Variants in PKHD1 observed in about 807,000 individuals in gnomAD.
The protein encoded by PKHD1 is PKHD1 ciliary IPT domain containing fibrocystin/polyductin, also known as fibrocystin.
A neutral mutation model predicts 412.0 loss-of-function variants in PKHD1; 291 were observed. The observed-to-expected ratio is 0.71, with a 90% CI of 0.64 to 0.78. The LOEUF (loss-of-function observed/expected upper bound fraction) is 0.78, where lower values mean the gene tolerates loss of function less well. PKHD1 is among the 30% of genes least tolerant of loss of function. The pLI, the probability that PKHD1 is intolerant of heterozygous loss-of-function variation, is 0.00. For synonymous variants in PKHD1, 1,777 were observed against 1,821.5 expected, an observed-to-expected ratio of 0.98 and a Z score of 0.62; for missense variants, 4,825 against 4,950.7, an observed-to-expected ratio of 0.97 and a Z score of 0.76.
intron 43 of PKHD1, among the ~76,000 whole-genome samples, chr6:51,902,265 G>C (rs943581439): frequency 1.3e-5 from 2 of 152,132 alleles, no homozygotes; most frequent in Non-Finnish European, 2.9e-5. Context: ...GCAGCTTCTT[G>C]TAAGTCTGAA....
In PKHD1 at chr6:51,617,324, T is replaced by C. The variant is rs1766153316; in HGVS notation, c.*1757A>G. On this transcript the variant is annotated 3_prime_UTR_variant, in exon 67 of 67. Transcript: ENST00000371117. Reference sequence around the variant, plus strand: ...CTACAAAAAAAGATAAATAACTGGTTATAACAGGGACTAATTAAACTAGGG... The same window carrying C: ...CTACAAAAAAAGATAAATAACTGGTCATAACAGGGACTAATTAAACTAGGG... 1 of 152,172 alleles carries C rather than the reference T, an allele frequency of 6.6e-6. No individual in the cohort carries two copies. Among genetic ancestry groups the C allele is most frequent in the Non-Finnish European group, 1.5e-5 (1 of 68,020 alleles). The allele number at this position is 152,172 out of a possible 1,614,324, so 9.4% of individuals were successfully genotyped here.
At chr6:51,739,176 A>G (rs1784247308) in intron 60 of PKHD1, among the ~76,000 whole-genome samples, 1 of 149,162 alleles carries the variant, frequency 6.7e-6, no homozygotes, top group Admixed American at 6.7e-5. Context: ...CATGTTATAT[A>G]CATACACATA....
intron 35 of PKHD1, among the ~76,000 whole-genome samples, chr6:51,963,060 T>C (rs951792564): frequency 6.6e-6 from 1 of 151,968 alleles, no homozygotes; most frequent in Non-Finnish European, 1.5e-5. Context: ...TTTACAGATA[T>C]CACACACAAA....
chr6:51,640,878 T>C lies in PKHD1; in HGVS notation c.11399-1922A>G, dbSNP rs369365731. On this transcript the variant is annotated intron_variant, in intron 63 of 66. Coordinates refer to ENST00000371117, the MANE Select transcript of PKHD1 (RefSeq NM_138694.4). ...GAGTATATAAATTCACTTTTTATGA[T>C]AATAGGTTGTAACTGCCTTTTCACT... Among the ~76,000 whole-genome samples, 19 of 152,302 alleles carry C rather than the reference T, an allele frequency of 1.2e-4. No individual in the cohort carries two copies. In the East Asian group the frequency reaches 2.5e-3, roughly 20 times the overall value.
intron 29 of PKHD1, among the ~76,000 whole-genome samples, chr6:52,032,434 G>T (rs1803203209): frequency 6.6e-6 from 1 of 152,144 alleles, no homozygotes; most frequent in South Asian, 2.1e-4. Flanking sequence ...TGGTGCTAAT[G>T]AATCCATTAT....
chr6:51,651,489 A>G (rs1217812954), intron 61 of PKHD1, among the ~76,000 whole-genome samples: 6 of 152,294 alleles, frequency 3.9e-5, no homozygotes, highest in South Asian at 2.1e-4. Context: ...TTTTTATAAT[A>G]CATCAACTTG....
chr6:51,855,174 G>A (rs1773058003), intron 49 of PKHD1, among the ~76,000 whole-genome samples: 1 of 152,160 alleles, frequency 6.6e-6, no homozygotes, highest in Non-Finnish European at 1.5e-5. Context: ...CCTTTTCCCC[G>A]TGTGGCTCTC....
chr6:52,055,185 T>C (rs777141514), intron 19 of PKHD1, among the ~76,000 whole-genome samples: 7 of 152,214 alleles, frequency 4.6e-5, no homozygotes, highest in Non-Finnish European at 1.0e-4. Flanking sequence ...TCCTGAGAGA[T>C]AGACCACATT....
rs747245050 is a variant in PKHD1 at position 52,026,000 on chromosome 6, C to T, written c.3810G>A (p.Glu1270=). The change falls in exon 32 of 67, where the codon GAG becomes GAA. Residue 1270 remains glutamate, a synonymous_variant. Coordinates refer to ENST00000371117, the MANE Select transcript of PKHD1 (RefSeq NM_138694.4). ...CGAAGAACCTGTTGCCAGCCCAGAC[C>T]TCCACGGCAGCTGGAACAGTGGGAG... ...AGAPTVPAAV[E]VWAGNRFFAR... 7 of 1,614,166 alleles carry T rather than the reference C, an allele frequency of 4.3e-6. No homozygotes were observed. Among genetic ancestry groups the T allele is most frequent in the Non-Finnish European group, 5.9e-6 (7 of 1,180,032 alleles).
intron 60 of PKHD1, among the ~76,000 whole-genome samples, chr6:51,676,744 C>G (rs1251534987): frequency 6.6e-6 from 1 of 152,064 alleles, no homozygotes; most frequent in Non-Finnish European, 1.5e-5. Context: ...AAGCTGTGCT[C>G]CTCAATACAC....
chr6:52,033,895 G>A (rs567718593), intron 28 of PKHD1, among the ~76,000 whole-genome samples: 5 of 152,104 alleles, frequency 3.3e-5, no homozygotes, highest in Admixed American at 1.3e-4. Flanking sequence ...TTGGGAGGCC[G>A]AGGCGGGTGG....
chr6:51,946,391 A>G (rs1472105471), intron 36 of PKHD1, among the ~76,000 whole-genome samples: 1 of 152,252 alleles, frequency 6.6e-6, no homozygotes, highest in East Asian at 1.9e-4. Context: ...ATAATTAGAT[A>G]AACAAATGAA....
chr6:51,977,393 T>A (rs1245508524), intron 35 of PKHD1, among the ~76,000 whole-genome samples: 1 of 152,214 alleles, frequency 6.6e-6, no homozygotes, highest in Non-Finnish European at 1.5e-5. Flanking sequence ...TCAGATACAC[T>A]CTGCTATTTC....
chr6:51,659,017 C>G lies in PKHD1; in HGVS notation c.11109G>C (p.Glu3703Asp). ...VITAQQTGVL[E>D]NVLNMTIGAL... ...CCCCGATAGTCATATTCAGAACATTCTCTAGTACCCCAGTCTGTTGAGCAG... is the reference window on the plus strand; with the variant it reads ...CCCCGATAGTCATATTCAGAACATTGTCTAGTACCCCAGTCTGTTGAGCAG... The change falls in exon 61 of 67, where the codon GAG becomes GAC. Residue 3703 changes from glutamate to aspartate, a missense_variant. Transcript: ENST00000371117. 1 of 1,613,232 alleles carries G rather than the reference C, an allele frequency of 6.2e-7. No individual in the cohort carries two copies. Among genetic ancestry groups the G allele is most frequent in the Non-Finnish European group, 8.5e-7 (1 of 1,179,324 alleles).
chr6:51,838,044 G>A (rs1027178748), intron 50 of PKHD1, among the ~76,000 whole-genome samples: 5 of 152,142 alleles, frequency 3.3e-5, no homozygotes, highest in African/African-American at 1.2e-4. Context: ...ACCAGTCAAG[G>A]TGTCATTTCC....
chr6:51,953,294 G>GA (rs1041571624), intron 36 of PKHD1, among the ~76,000 whole-genome samples: 16 of 151,746 alleles, frequency 1.1e-4, no homozygotes, highest in Admixed American at 5.3e-4. Context: ...TACAGTTAGA[G>GA]AAAAAAAACA....
At position 52,082,432 on chromosome 6, in the gene PKHD1, G is replaced by A. The variant is rs868748445; in HGVS notation, c.241C>T (p.Pro81Ser). 1 of 1,614,078 alleles carries A rather than the reference G, an allele frequency of 6.2e-7. No individual in the cohort carries two copies. Among genetic ancestry groups the A allele is most frequent in the Non-Finnish European group, 8.5e-7 (1 of 1,179,962 alleles). ...ALRSVPCDVF[P>S]VFLDLPVVTC... is the part of the protein sequence containing the mutation. ...ACCACAGGCAAATCCAAGAAAACAG[G>A]AAAGACGTCACAGGGAACACTCCGC... Residue 81 changes from proline to serine, a missense_variant, in exon 4 of 67, where the codon CCT becomes TCT. Pro to Ser is a moderately conservative substitution (Grantham distance 74). Coordinates refer to ENST00000371117, the MANE Select transcript of PKHD1 (RefSeq NM_138694.4).
At chr6:52,030,284 G>A (rs1340914778) in intron 29 of PKHD1, among the ~76,000 whole-genome samples, 7 of 152,270 alleles carry the variant, frequency 4.6e-5, no homozygotes, top group South Asian at 2.1e-4. Context: ...ATTTACTTAC[G>A]GCTCTCAAAG....
At chr6:51,636,657 T>G (rs1179713023) in intron 64 of PKHD1, among the ~76,000 whole-genome samples, 1 of 152,138 alleles carries the variant, frequency 6.6e-6, no homozygotes, top group South Asian at 2.1e-4. Context: ...TTGAAGCCTA[T>G]TAGAAATAAG....
Sources: allele counts gnomAD v4.1 joint callset (sites outside exome capture counted in the v4.1 genomes callset), GRCh38; gene constraint gnomAD v4.1.1; transcripts MANE v1.5; gene names NCBI Gene and HGNC (gene_info 2026-07-23, HGNC 2026-07-21).